The following BRINP3 variants were observed in gnomAD, a reference collection of about 807,000 sequenced individuals.
BRINP3 encodes the protein BMP/retinoic acid inducible neural specific 3.
Under a neutral mutation model 71.0 loss-of-function variants are expected in BRINP3, and 19 were observed. The observed-to-expected ratio is 0.27, with a 90% CI of 0.19 to 0.39. The LOEUF is 0.39. BRINP3 is among the 10% of genes least tolerant of loss of function. BRINP3 has a pLI of 1.00. For synonymous variants in BRINP3, 380 were observed against 337.7 expected (o/e 1.13, Z -1.37); for missense variants, 959 against 940.8 (o/e 1.02, Z -0.25).
In BRINP3 at chr1:190,269,178, A is replaced by G. The variant is rs561755964; in HGVS notation, c.428-4123T>C. Among the ~76,000 whole-genome samples, 6 of 152,242 alleles carry G rather than the reference A, an allele frequency of 3.9e-5. No individual in the cohort carries two copies. The East Asian group carries it at 9.7e-4, about 25-fold the overall frequency. On this transcript the variant is annotated intron_variant, in intron 3 of 7. Coordinates refer to ENST00000367462, the MANE Select transcript of BRINP3 (RefSeq NM_199051.3). ...AGTACATGTGGAAACTTCGCATGTA[A>G]TAAGAGTGGGATAGTAATTCCTTGG... is the stretch of plus-strand genomic sequence containing the variant.
chr1:190,199,740 A>T (rs1194402151), intron 6 of BRINP3, among the ~76,000 whole-genome samples: 5 of 148,132 alleles, frequency 3.4e-5, no homozygotes, highest in Non-Finnish European at 7.4e-5. Flanking sequence ...ATTCCTAACA[A>T]TTGCAATCTG....
intron 6 of BRINP3, among the ~76,000 whole-genome samples, chr1:190,165,138 T>C (rs1054007562): frequency 5.9e-5 from 9 of 151,696 alleles, no homozygotes; most frequent in Admixed American, 5.3e-4. Context: ...AAAAGAGAAA[T>C]AGAAAAAAAC....
intron 1 of BRINP3, among the ~76,000 whole-genome samples, chr1:190,457,328 T>C (rs1571363039): frequency 6.6e-6 from 1 of 152,016 alleles, no homozygotes; most frequent in African/African-American, 2.4e-5. Context: ...TCTGTAATCC[T>C]GGCTATTCTA....
Position 190,389,083 on chromosome 1 carries a change from G to A in BRINP3, c.236+65572C>T, listed in dbSNP as rs76713163. 4.2e-3 allele frequency among the ~76,000 whole-genome samples: 642 copies of A among 151,616 alleles called. 39 individuals are homozygous for A. In the East Asian group the frequency reaches 0.11, roughly 27 times the overall value. ...AGATTAGAGGAACATTCTAGACAGA[G>A]AAAAGCATTATTTACCAGGACAAAT... On this transcript the variant is annotated intron_variant, in intron 2 of 7. Transcript: ENST00000367462.
At chr1:190,308,084 C>A in intron 2 of BRINP3, among the ~76,000 whole-genome samples, 1 of 151,784 alleles carries the variant, frequency 6.6e-6, no homozygotes, top group African/African-American at 2.4e-5. Context: ...TAATAGGGAA[C>A]CTCTAACTCC....
chr1:190,104,261 C>T (rs1054404116), intron 7 of BRINP3, among the ~76,000 whole-genome samples: 1 of 151,904 alleles, frequency 6.6e-6, no homozygotes, highest in Non-Finnish European at 1.5e-5. Flanking sequence ...TAGCTTGAGA[C>T]CATTTTCTTA....
At chr1:190,299,426 A>G (rs560526403) in intron 2 of BRINP3, among the ~76,000 whole-genome samples, 6 of 150,282 alleles carry the variant, frequency 4.0e-5, no homozygotes, top group Non-Finnish European at 7.4e-5. Flanking sequence ...AAACATATAT[A>G]TATTTATTTA....
intron 7 of BRINP3, among the ~76,000 whole-genome samples, chr1:190,134,679 A>T (rs1448755751): frequency 2.0e-5 from 3 of 152,140 alleles, no homozygotes; most frequent in Non-Finnish European, 4.4e-5. Flanking sequence ...CTTCAGTTTT[A>T]TTCCAGAGCA....
chr1:190,125,736 T>A lies in BRINP3; in HGVS notation c.1185-26602A>T, dbSNP rs116759038. Among the ~76,000 whole-genome samples, 197 of 152,144 alleles carry A rather than the reference T, an allele frequency of 1.3e-3. 1 individual carries two copies. Among genetic ancestry groups the A allele is most frequent in the African/African-American group, 4.6e-3 (192 of 41,552 alleles). ...TTTAGCTGAGTACAGAGATAGCCAG[T>A]CAGTCAAAGGCCAAATTTTCTAACA... On this transcript the variant is annotated intron_variant, in intron 7 of 7. Transcript: ENST00000367462.
At chr1:190,257,494 T>G (rs1242203296) in intron 4 of BRINP3, among the ~76,000 whole-genome samples, 1 of 152,170 alleles carries the variant, frequency 6.6e-6, no homozygotes, top group Non-Finnish European at 1.5e-5. Context: ...TTCAGAGTTA[T>G]TCTCCATCTA....
chr1:190,298,711 T>C (rs1664440691), intron 2 of BRINP3, among the ~76,000 whole-genome samples: 1 of 152,162 alleles, frequency 6.6e-6, no homozygotes, highest in African/African-American at 2.4e-5. Flanking sequence ...TCATTATTAG[T>C]TGAGATTTGT....
chr1:190,251,037 T>C (rs952666593), intron 4 of BRINP3, among the ~76,000 whole-genome samples: 1 of 151,730 alleles, frequency 6.6e-6, no homozygotes, highest in African/African-American at 2.4e-5. Flanking sequence ...GAAAACACAC[T>C]GAGACCCCAT....
intron 5 of BRINP3, among the ~76,000 whole-genome samples, chr1:190,227,942 T>A (rs972763094): frequency 1.3e-5 from 2 of 151,876 alleles, no homozygotes; most frequent in African/African-American, 4.8e-5. Context: ...TGGTACCCAT[T>A]TGGAAGTAGA....
chr1:190,389,771 T>G (rs1671135072), intron 2 of BRINP3, among the ~76,000 whole-genome samples: 1 of 151,836 alleles, frequency 6.6e-6, no homozygotes, highest in Admixed American at 6.6e-5. Flanking sequence ...ACCATGGGTT[T>G]TAGCAACATG....
chr1:190,467,547 G>C lies in BRINP3; in HGVS notation c.-51+9901C>G, dbSNP rs867460427. On this transcript the variant is annotated intron_variant, in intron 1 of 7. Transcript: ENST00000367462. ...AGAAAACCTTAGCACAACTTACCCA[G>C]TTGACAGAGAGGCTTGGATAGCCCA... Among the ~76,000 whole-genome samples, 63 of 151,510 alleles carry C rather than the reference G, an allele frequency of 4.2e-4. 1 individual carries two copies. The highest frequency in any genetic ancestry group is 1.5e-3 in the African/African-American group (63 of 41,472).
chr1:190,188,105 A>C (rs1317216823), intron 6 of BRINP3, among the ~76,000 whole-genome samples: 2 of 151,968 alleles, frequency 1.3e-5, no homozygotes, highest in Non-Finnish European at 2.9e-5. Flanking sequence ...TTGTTGGATA[A>C]ATTTATTCTT....
intron 2 of BRINP3, among the ~76,000 whole-genome samples, chr1:190,293,486 T>C (rs1571655537): frequency 1.3e-5 from 2 of 151,120 alleles, no homozygotes; most frequent in East Asian, 3.9e-4. Flanking sequence ...GAAGATTGTT[T>C]ATTCTGCAGC....
In BRINP3 at chr1:190,097,819, G is replaced by C; in HGVS notation, c.*199C>G. 1 of 560,126 alleles carries C rather than the reference G, an allele frequency of 1.8e-6. No homozygotes were observed. 34.7% of individuals were successfully genotyped at this position (560,126 alleles called of 1,614,324 possible). On this transcript the variant is annotated 3_prime_UTR_variant, in exon 8 of 8. Transcript: ENST00000367462. ...CTTCTAGACTGGTGTCAGTATTTAT[G>C]TCATTCATAAACCAAAACTGCTGTA...
chr1:190,222,489 G>A (rs1403446846), intron 6 of BRINP3, among the ~76,000 whole-genome samples: 2 of 151,574 alleles, frequency 1.3e-5, no homozygotes, highest in African/African-American at 2.4e-5. Context: ...GAACCTCAAC[G>A]AACGAGAAAA....
Sources: gnomAD v4.1 joint callset for allele counts (sites outside exome capture counted in the v4.1 genomes callset) on GRCh38, gnomAD v4.1.1 for gene constraint, MANE v1.5 for transcripts, NCBI Gene and HGNC (gene_info 2026-07-23, HGNC 2026-07-21) for gene names.